The following UBE2G2 variants were observed in gnomAD, a reference collection of about 807,000 sequenced individuals.
The protein encoded by UBE2G2 is ubiquitin-conjugating enzyme E2 G2.
In UBE2G2, 10 loss-of-function variants were observed where a neutral mutation model predicts 23.0. That is an observed-to-expected ratio of 0.43 (90% CI 0.27 to 0.74). The LOEUF (loss-of-function observed/expected upper bound fraction) is 0.74. Ranked by LOEUF, UBE2G2 falls within the 30% of genes least tolerant of loss-of-function variation. UBE2G2 has a pLI of 0.19. For missense variants in UBE2G2, 150 were observed against 218.3 expected (o/e 0.69, Z 1.97); for synonymous variants, 86 against 81.3 (o/e 1.06, Z -0.31).
intron 3 of UBE2G2, among the ~76,000 whole-genome samples, chr21:44,778,195 T>A (rs1465896478): frequency 6.6e-6 from 1 of 152,256 alleles, no homozygotes; most frequent in Non-Finnish European, 1.5e-5. Flanking sequence ...AAGGTGATTT[T>A]TAATTTTTAA....
chr21:44,786,742 T>C (rs1483752216), intron 3 of UBE2G2, among the ~76,000 whole-genome samples: 1 of 152,172 alleles, frequency 6.6e-6, no homozygotes, highest in East Asian at 1.9e-4. Context: ...CACTTCTCAA[T>C]GCAACAAAAT....
rs114719302 is a variant in UBE2G2, at chr21:44,772,679, A to G, written c.385+868T>C. ...TTCCCCAAATCCTGCTGTCTCCTGA[A>G]CCCAGAGCAGCACCTCTGGTAGACA... On this transcript the variant is annotated intron_variant, in intron 5 of 5. Transcript: ENST00000345496. The surrounding 1 kb of genome is among the most constrained non-coding windows in gnomAD (Gnocchi z 5.4). Among the ~76,000 whole-genome samples, 386 of 152,138 alleles carry G rather than the reference A, an allele frequency of 2.5e-3. 5 individuals carry two copies. The highest frequency in any genetic ancestry group is 8.2e-3 in the African/African-American group (341 of 41,486).
chr21:44,801,614 C>T, intron 1 of UBE2G2, 92 bp downstream of exon 1: 3 of 1,412,952 alleles, frequency 2.1e-6, no homozygotes, highest in East Asian at 3.0e-5. Context: ...CCCGGCTCCC[C>T]CGCCAGGCTC....
intron 1 of UBE2G2, among the ~76,000 whole-genome samples, chr21:44,794,027 T>C (rs2083065845): frequency 8.5e-6 from 1 of 117,160 alleles, no homozygotes; most frequent in South Asian, 3.0e-4. Context: ...TGGAGAAAAG[T>C]GTGTGACTAG....
At chr21:44,796,887 G>A (rs1248666171) in intron 1 of UBE2G2, among the ~76,000 whole-genome samples, 2 of 152,158 alleles carry the variant, frequency 1.3e-5, no homozygotes, top group Non-Finnish European at 2.9e-5. Context: ...CATCTTCACA[G>A]CCAGCCACAG....
intron 3 of UBE2G2, among the ~76,000 whole-genome samples, chr21:44,782,581 T>C (rs782385220): frequency 1.3e-5 from 2 of 152,238 alleles, no homozygotes; most frequent in African/African-American, 2.4e-5. Flanking sequence ...AGTAATGGCC[T>C]AAGGATAGGC....
chr21:44,801,479 C>T (rs1555964781), intron 1 of UBE2G2: 1 of 1,118,324 alleles, frequency 8.9e-7, no homozygotes, highest in African/African-American at 1.7e-5. Context: ...TAACACGGCG[C>T]CGGCGCTGCC....
chr21:44,801,363 C>A (rs1164446121), intron 1 of UBE2G2: 5 of 1,131,436 alleles, frequency 4.4e-6, no homozygotes, highest in East Asian at 4.9e-5. Context: ...GCAAGTCAGG[C>A]CTTCTTCCTC....
At chr21:44,800,329 T>A (rs1466374454) in intron 1 of UBE2G2, 2 of 152,152 alleles carry the variant, frequency 1.3e-5, no homozygotes, top group Non-Finnish European at 2.9e-5. Flanking sequence ...GGAGGCCCTG[T>A]GTATCTGCGG....
intron 3 of UBE2G2, among the ~76,000 whole-genome samples, chr21:44,778,428 C>T (rs1369875042): frequency 1.3e-5 from 2 of 152,246 alleles, no homozygotes; most frequent in African/African-American, 4.8e-5. Context: ...ATACTTTCCT[C>T]ACGTGTAAAT....
At chr21:44,799,458 T>C (rs2083118336) in intron 1 of UBE2G2, among the ~76,000 whole-genome samples, 1 of 152,256 alleles carries the variant, frequency 6.6e-6, no homozygotes, top group Admixed American at 6.5e-5. Flanking sequence ...TCTGGAGACC[T>C]TGCTGCTTCA....
intron 1 of UBE2G2, among the ~76,000 whole-genome samples, chr21:44,792,057 T>G (rs940258122): frequency 4.6e-5 from 7 of 152,250 alleles, no homozygotes; most frequent in African/African-American, 1.7e-4. Flanking sequence ...TTGGCCAATT[T>G]CTTCCATTGG....
intron 3 of UBE2G2, among the ~76,000 whole-genome samples, chr21:44,777,876 T>G (rs1301239658): frequency 1.3e-5 from 2 of 152,132 alleles, no homozygotes; most frequent in Non-Finnish European, 1.5e-5. Context: ...TAACAATGAA[T>G]TGGTACTTTC....
intron 3 of UBE2G2, among the ~76,000 whole-genome samples, chr21:44,780,502 A>G (rs1161877911): frequency 6.6e-6 from 1 of 152,244 alleles, no homozygotes; most frequent in African/African-American, 2.4e-5. Flanking sequence ...CAAAGCCTGC[A>G]AATTATGCTG....
chr21:44,778,906 TA>T (rs552697528), intron 3 of UBE2G2, among the ~76,000 whole-genome samples: 205 of 152,160 alleles, frequency 1.3e-3, no homozygotes, highest in Non-Finnish European at 1.7e-3. Context: ...ACACCAGACC[TA>T]CTGCCTTCAG....
rs1301879094 is a variant in UBE2G2, at chr21:44,771,859, TCA to T, written c.386-372_386-371del. ...ACACGGGGACCACCTGCTGCTTATT[TCA>T]CCTTTCTCAAGACACTCTGCAGTGT... On this transcript the variant is annotated intron_variant, in intron 5 of 5. Transcript: ENST00000345496. This position sits in a 1 kb window ranked among gnomAD's most constrained non-coding sequence, Gnocchi z 4.6. 6.6e-6 allele frequency among the ~76,000 whole-genome samples: 1 copy of T among 152,168 alleles called. No homozygotes were observed. Among genetic ancestry groups the T allele is most frequent in the Non-Finnish European group, 1.5e-5 (1 of 68,024 alleles).
At position 44,788,811 on chromosome 21, in the gene UBE2G2, G is replaced by GA. The variant is rs565990702; in HGVS notation, c.44-717dup. Among the ~76,000 whole-genome samples the GA allele has an allele frequency of 8.5e-3, 1,163 of 137,320 alleles. 11 individuals are homozygous for GA. Among genetic ancestry groups the GA allele is most frequent in the African/African-American group, 0.024 (918 of 37,616 alleles). 90.1% of individuals were successfully genotyped at this position (137,320 alleles called of 152,430 possible). A position where few individuals can be genotyped will look rare whatever the true frequency, so the allele number is the denominator to read the frequency against. The stretch of plus-strand genomic sequence containing the variant: ...TAATAAAACAGTAAGCAAACATACA[G>GA]AAAAAAAAAAATCAATGAAACCAAA... On this transcript the variant is annotated intron_variant, in intron 1 of 5. Coordinates refer to ENST00000345496, the MANE Select transcript of UBE2G2 (RefSeq NM_003343.6).
chr21:44,770,352 T>C lies in UBE2G2; in HGVS notation c.*1025A>G, dbSNP rs971318836. ...GCTCTAGTAATGCACTAGTTACTAA[T>C]ATACAAACGTAAATCTTTGATGAGT... On this transcript the variant is annotated 3_prime_UTR_variant, in exon 6 of 6. Coordinates refer to ENST00000345496, the MANE Select transcript of UBE2G2 (RefSeq NM_003343.6). 6.6e-6 allele frequency: 1 copy of C among 152,242 alleles called. No homozygotes were observed. Among genetic ancestry groups the C allele is most frequent in the Non-Finnish European group, 1.5e-5 (1 of 68,038 alleles). The allele number at this position is 152,242 out of a possible 1,614,324, so 9.4% of individuals were successfully genotyped here.
chr21:44,769,106 C>A lies in UBE2G2; in HGVS notation c.*2271G>T, dbSNP rs1442445897. On this transcript the variant is annotated 3_prime_UTR_variant, in exon 6 of 6. Coordinates refer to ENST00000345496, the MANE Select transcript of UBE2G2 (RefSeq NM_003343.6). ...TAGGTTCCACCACACAACAGGGACACCATGGGATTGTTTTTTCATTTAATA... is the reference window on the plus strand; with the variant it reads ...TAGGTTCCACCACACAACAGGGACAACATGGGATTGTTTTTTCATTTAATA... The A allele has an allele frequency of 6.6e-6, 1 of 152,180 alleles. No individual in the cohort carries two copies. The highest frequency in any genetic ancestry group is 1.5e-5 in the Non-Finnish European group (1 of 68,036). 9.4% of individuals were successfully genotyped at this position (152,180 alleles called of 1,614,324 possible). A position where few individuals can be genotyped will look rare whatever the true frequency, so the allele number is the denominator to read the frequency against.
Sources: gnomAD v4.1 joint callset for allele counts (sites outside exome capture counted in the v4.1 genomes callset) on GRCh38, gnomAD v4.1.1 for gene constraint, Gnocchi (gnomAD v3.1) non-coding constraint, MANE v1.5 for transcripts, NCBI Gene and HGNC (gene_info 2026-07-23, HGNC 2026-07-21) for gene names.